The following PHIP variants were observed in gnomAD, a reference collection of about 807,000 sequenced individuals.
PHIP encodes the protein PHIP subunit of CUL4-Ring ligase complex.
Under a neutral mutation model 236.8 loss-of-function variants are expected in PHIP, and 54 were observed. The observed-to-expected ratio is 0.23, with a 90% CI of 0.18 to 0.29. PHIP has a LOEUF of 0.29. Ranked by LOEUF, PHIP falls within the 10% of genes least tolerant of loss-of-function variation. The probability of loss-of-function intolerance (pLI) is 1.00; values close to 1 mark genes in which losing one functional copy is unlikely to be tolerated. For missense variants in PHIP, 1,370 were observed against 2,190.8 expected (o/e 0.63, Z 7.48); for synonymous variants, 756 against 718.9 (o/e 1.05, Z -0.83).
chr6:79,054,733 A>G (rs928715312), intron 6 of PHIP, among the ~76,000 whole-genome samples: 1 of 151,704 alleles, frequency 6.6e-6, no homozygotes, highest in African/African-American at 2.4e-5. Flanking sequence ...GTCTAAGAAA[A>G]AAAAACCTTG....
chr6:79,073,124 C>A (rs142292039), intron 4 of PHIP, among the ~76,000 whole-genome samples: 19 of 152,214 alleles, frequency 1.2e-4, no homozygotes, highest in African/African-American at 4.3e-4. Flanking sequence ...TATGCTCATG[C>A]CGCTTTACAA....
rs1773248145 is a variant in PHIP, at chr6:78,935,599, A to G, written c.*5094T>C. The stretch of plus-strand genomic sequence containing the variant: ...GAAATCAATAAAATTGTTTTATTAA[A>G]TGTACACATAAAAAGGCATATAAGT... On this transcript the variant is annotated 3_prime_UTR_variant, in exon 40 of 40. Coordinates refer to ENST00000275034, the MANE Select transcript of PHIP (RefSeq NM_017934.7). 2.0e-6 allele frequency: 2 copies of G among 976,406 alleles called. No individual in the cohort carries two copies. Among genetic ancestry groups the G allele is most frequent in the Admixed American group, 6.2e-5 (1 of 16,236 alleles). 60.5% of individuals were successfully genotyped at this position (976,406 alleles called of 1,614,324 possible).
chr6:79,018,864 TTCTTA>T (rs1467251126), intron 10 of PHIP, among the ~76,000 whole-genome samples: 3 of 152,038 alleles, frequency 2.0e-5, no homozygotes, highest in Admixed American at 6.6e-5. Context: ...CATTATAGTC[TTCTTA>T]AAGAAAAACA....
At position 79,037,568 on chromosome 6, in the gene PHIP, A is replaced by AAAT. The variant is rs1271142419; in HGVS notation, c.600+5272_600+5274dup. 6.6e-5 allele frequency among the ~76,000 whole-genome samples: 10 copies of AAAT among 152,278 alleles called. No homozygotes were observed. In the East Asian group the frequency reaches 7.7e-4, roughly 12 times the overall value. On this transcript the variant is annotated intron_variant, in intron 7 of 39. Transcript: ENST00000275034. The stretch of plus-strand genomic sequence containing the variant: ...TACTGGTCTTTATCTGCTAATTAAA[A>AAAT]AATAATAATAATAATCAGCCACATG...
At chr6:79,011,612 G>C (rs1770580798) in intron 15 of PHIP, among the ~76,000 whole-genome samples, 2 of 151,564 alleles carry the variant, frequency 1.3e-5, no homozygotes, top group African/African-American at 4.8e-5. Context: ...AACAAACCCA[G>C]CACCCACTCC....
rs1767100052 is a variant in PHIP, at chr6:78,965,970, T to A, written c.3292A>T (p.Ser1098Cys). Reference protein sequence around the residue: ...QEPLQLEYPDSLFQCYNVCWD... With the variant: ...QEPLQLEYPDCLFQCYNVCWD... ...CAAACATTGTAGCATTGAAACAGAC[T>A]ATCAGGGTACTCAAGTTGAAGAGGT... Residue 1098 changes from serine to cysteine, a missense_variant, in exon 28 of 40, where the codon AGT becomes TGT. Ser to Cys is a moderately radical substitution (Grantham distance 112). Transcript: ENST00000275034. 1.2e-6 allele frequency: 2 copies of A among 1,609,588 alleles called. No homozygotes were observed. The highest frequency in any genetic ancestry group is 1.7e-6 in the Non-Finnish European group (2 of 1,175,970).
In PHIP at chr6:79,017,599, G is replaced by C. The variant is rs751497417; in HGVS notation, c.995-16C>G. 1.3e-6 allele frequency: 2 copies of C among 1,554,964 alleles called. No homozygotes were observed. Among genetic ancestry groups the C allele is most frequent in the South Asian group, 2.3e-5 (2 of 88,746 alleles). ...AACATTCCACCTATGAAGAATAACAGCAATTGTTAAGAAGTAAAACATAAC... is the reference window on the plus strand; with the variant it reads ...AACATTCCACCTATGAAGAATAACACCAATTGTTAAGAAGTAAAACATAAC... On this transcript the variant is annotated splice_polypyrimidine_tract_variant and intron_variant, in intron 10 of 39. Coordinates refer to ENST00000275034, the MANE Select transcript of PHIP (RefSeq NM_017934.7).
intron 17 of PHIP, among the ~76,000 whole-genome samples, chr6:78,999,986 C>G (rs991203385): frequency 3.3e-5 from 5 of 151,782 alleles, no homozygotes; most frequent in Non-Finnish European, 5.9e-5. Flanking sequence ...CTGAAAAAAA[C>G]ACATTTAAAG....
chr6:79,070,862 A>AT (rs1465330251), intron 4 of PHIP, among the ~76,000 whole-genome samples: 1 of 152,084 alleles, frequency 6.6e-6, no homozygotes, highest in South Asian at 2.1e-4. Context: ...TTTTTTATGT[A>AT]TTTTTTTCTA....
At chr6:78,952,417 CAAAAAAAAAAGAA>C (rs756144457) in intron 35 of PHIP, among the ~76,000 whole-genome samples, 4,983 of 59,768 alleles carry the variant, frequency 0.083, 75 homozygotes, top group South Asian at 0.13. Context: ...GACTCTGTCC[CAAAAAAAAAAGAA>C]AAAAAAAAAA....
chr6:78,949,714 G>C (rs571548602), intron 35 of PHIP, among the ~76,000 whole-genome samples: 1 of 151,732 alleles, frequency 6.6e-6, no homozygotes, highest in Non-Finnish European at 1.5e-5. Context: ...TAATGAGATA[G>C]GGTCTCACTC....
intron 23 of PHIP, among the ~76,000 whole-genome samples, chr6:78,979,371 T>G (rs1445509319): frequency 6.6e-6 from 1 of 152,014 alleles, no homozygotes; most frequent in Non-Finnish European, 1.5e-5. Context: ...CTCCTTTCCT[T>G]TCAAAATGCT....
chr6:79,017,660 G>A, intron 10 of PHIP, 77 bp from the exon 11 acceptor site: 1 of 1,032,090 alleles, frequency 9.7e-7, no homozygotes, highest in Non-Finnish European at 1.5e-6. Flanking sequence ...TAAAATGTAA[G>A]CAAAATTACA....
chr6:79,058,981 GTC>G (rs2127770980), intron 6 of PHIP, among the ~76,000 whole-genome samples: 1 of 151,784 alleles, frequency 6.6e-6, no homozygotes, highest in South Asian at 2.1e-4. Flanking sequence ...ATATACCCTC[GTC>G]TCTCAAATTT....
chr6:78,969,743 T>C (rs927375639), intron 27 of PHIP, 92 bp downstream of exon 27: 3 of 586,942 alleles, frequency 5.1e-6, no homozygotes, highest in Non-Finnish European at 5.8e-6. Flanking sequence ...ATTTCTCTGA[T>C]AATCTTTTTC....
chr6:78,987,664 T>G (rs939786456), intron 21 of PHIP, among the ~76,000 whole-genome samples: 2 of 152,148 alleles, frequency 1.3e-5, no homozygotes, highest in Non-Finnish European at 2.9e-5. Flanking sequence ...AAGATTGGTT[T>G]ATGATTGCAA....
Position 78,978,193 on chromosome 6 carries a change from C to G in PHIP, c.2889+399G>C, listed in dbSNP as rs1225463054. On this transcript the variant is annotated intron_variant, in intron 24 of 39. Transcript: ENST00000275034. ...ATGAACTGTGAACACTGTGGGTAAA[C>G]AAAACACTAACACTTTTTGAAATAA... is the stretch of plus-strand genomic sequence containing the variant. Among the ~76,000 whole-genome samples, 9 of 152,054 alleles carry G rather than the reference C, an allele frequency of 5.9e-5. No homozygotes were observed. In the South Asian group the frequency reaches 1.5e-3, roughly 25 times the overall value.
At chr6:78,959,686 A>C (rs1299341153) in intron 31 of PHIP, among the ~76,000 whole-genome samples, 1 of 152,154 alleles carries the variant, frequency 6.6e-6, no homozygotes, top group East Asian at 1.9e-4. Flanking sequence ...GAAAACAGGC[A>C]ATTTCTAATT....
chr6:79,056,001 T>C (rs1202355554), intron 6 of PHIP, among the ~76,000 whole-genome samples: 2 of 152,180 alleles, frequency 1.3e-5, no homozygotes, highest in African/African-American at 4.8e-5. Flanking sequence ...TGAACTTTAC[T>C]TGTCCCATCC....
Sources: allele counts gnomAD v4.1 joint callset (sites outside exome capture counted in the v4.1 genomes callset), GRCh38; gene constraint gnomAD v4.1.1; transcripts MANE v1.5; gene names NCBI Gene and HGNC (gene_info 2026-07-23, HGNC 2026-07-21).